The following METTL22 variants were observed in gnomAD, a reference collection of about 807,000 sequenced individuals.
The protein encoded by METTL22 is methyltransferase 22, Kin17 lysine.
A neutral mutation model predicts 48.4 loss-of-function variants in METTL22; 51 were observed. The observed-to-expected ratio is 1.05, with a 90% CI of 0.84 to 1.33. METTL22 has a LOEUF of 1.33. METTL22 is among the 40% of genes most tolerant of loss of function. The probability of loss-of-function intolerance (pLI) is 0.00; values close to 1 mark genes in which losing one functional copy is unlikely to be tolerated. For synonymous variants in METTL22, 255 were observed against 214.1 expected (o/e 1.19, Z -1.67); for missense variants, 678 against 526.9 (o/e 1.29, Z -2.81).
chr16:8,658,476 G>A, the METTL22 span, among the ~76,000 whole-genome samples: 4 of 152,312 alleles, frequency 2.6e-5, no homozygotes, highest in East Asian at 7.7e-4. Context: ...GAAGGAGACA[G>A]GGAATGGGGA....
At chr16:8,652,975 T>C (rs2056920569), downstream of METTL22, among the ~76,000 whole-genome samples, 1 of 152,186 alleles carries the variant, frequency 6.6e-6, no homozygotes, top group Non-Finnish European at 1.5e-5. Context: ...GCTAAGTAAA[T>C]GTGCTCTTAG....
rs573232371 is a variant in METTL22, at chr16:8,644,859, C to T, written c.1179+134C>T. Reference sequence around the variant, plus strand: ...TCCTGCAGGGGGTGAAGCCTGCGTGCCTGGCACCATCTGTAGTGGAACCTG... The same window carrying T: ...TCCTGCAGGGGGTGAAGCCTGCGTGTCTGGCACCATCTGTAGTGGAACCTG... On this transcript the variant is annotated intron_variant, in intron 10 of 10. Transcript: ENST00000381920. 1.6e-5 allele frequency: 15 copies of T among 928,964 alleles called. 1 individual carries two copies. The East Asian group carries it at 1.8e-4, about 11-fold the overall frequency. The allele number at this position is 928,964 out of a possible 1,614,324, so 57.5% of individuals were successfully genotyped here.
the METTL22 span, among the ~76,000 whole-genome samples, chr16:8,662,854 G>A: frequency 4.9e-5 from 7 of 144,280 alleles, 2 homozygotes; most frequent in Admixed American, 2.1e-4. Flanking sequence ...CTCAAAGTTG[G>A]ACTTGGTAAT....
At position 8,646,743 on chromosome 16, in the gene METTL22, G is replaced by A. The variant is rs540995930; in HGVS notation, c.*600G>A. On this transcript the variant is annotated 3_prime_UTR_variant, in exon 11 of 11. Coordinates refer to ENST00000381920, the MANE Select transcript of METTL22 (RefSeq NM_024109.4). ...TCAGGTACGTTTGGAATAAACCTAA[G>A]AGCCACTCTTTGGGGTCATGTGCAG... 9.2e-5 allele frequency: 41 copies of A among 447,694 alleles called. No individual in the cohort carries two copies. Among genetic ancestry groups the A allele is most frequent in the South Asian group, 6.4e-4 (41 of 64,258 alleles). The allele number at this position is 447,694 out of a possible 1,614,324, so 27.7% of individuals were successfully genotyped here. A position where few individuals can be genotyped will look rare whatever the true frequency, so the allele number is the denominator to read the frequency against.
chr16:8,628,088 C>T (rs1238304511), intron 2 of METTL22, among the ~76,000 whole-genome samples: 2 of 152,208 alleles, frequency 1.3e-5, no homozygotes, highest in Non-Finnish European at 2.9e-5. Context: ...TCACCCCTGC[C>T]TTATGTGGTT....
In METTL22 at chr16:8,646,874, C is replaced by T; in HGVS notation, c.*731C>T. 1 of 357,300 alleles carries T rather than the reference C, an allele frequency of 2.8e-6. No homozygotes were observed. Among genetic ancestry groups the T allele is most frequent in the Non-Finnish European group, 5.5e-6 (1 of 181,448 alleles). 22.1% of individuals were successfully genotyped at this position (357,300 alleles called of 1,614,324 possible). ...TCTGTCTTATCACGTGTGTACATGT[C>T]TGTCTGTCTGGTTTTTTATCTTCTC... On this transcript the variant is annotated 3_prime_UTR_variant, in exon 11 of 11. Transcript: ENST00000381920.
chr16:8,640,940 G>T, intron 6 of METTL22, among the ~76,000 whole-genome samples, 191 bp from the exon 7 acceptor site: 1 of 57,966 alleles, frequency 1.7e-5, no homozygotes, highest in Non-Finnish European at 3.6e-5. Context: ...ATGGATGGAT[G>T]GATGGGTGGG....
At chr16:8,641,575 C>T (rs1485347796) in intron 7 of METTL22, 1 of 473,696 alleles carries the variant, frequency 2.1e-6, no homozygotes, top group Non-Finnish European at 4.2e-6. Flanking sequence ...CCGGGTAGGA[C>T]AGTTTCCATA....
chr16:8,650,779 C>T (rs1308318894), downstream of METTL22, among the ~76,000 whole-genome samples: 1 of 152,208 alleles, frequency 6.6e-6, no homozygotes, highest in Non-Finnish European at 1.5e-5. Flanking sequence ...AATCCCGGCA[C>T]TTTGGGAGGC....
At chr16:8,637,539 G>T (rs1464206468) in intron 5 of METTL22, among the ~76,000 whole-genome samples, 3 of 152,254 alleles carry the variant, frequency 2.0e-5, no homozygotes, top group Non-Finnish European at 4.4e-5. Flanking sequence ...TCTGGGCAGA[G>T]CCCAGGGTTC....
At chr16:8,659,204 C>T in the METTL22 span, among the ~76,000 whole-genome samples, 6 of 151,944 alleles carry the variant, frequency 3.9e-5, no homozygotes, top group East Asian at 1.2e-3. Context: ...AGTGGTGTGC[C>T]CCTGTAGTCC....
intron 2 of METTL22, among the ~76,000 whole-genome samples, chr16:8,628,522 T>C (rs1323779362): frequency 6.6e-6 from 1 of 152,100 alleles, no homozygotes; most frequent in Non-Finnish European, 1.5e-5. Flanking sequence ...TCTCATGAAA[T>C]GGCGGCTGCT....
chr16:8,645,201 T>A (rs2056749362), intron 10 of METTL22, among the ~76,000 whole-genome samples: 1 of 152,206 alleles, frequency 6.6e-6, no homozygotes, highest in African/African-American at 2.4e-5. Context: ...ACTTCTTTTG[T>A]TCTGTTTGCC....
chr16:8,650,539 G>A (rs1384966093), downstream of METTL22, among the ~76,000 whole-genome samples: 2 of 152,194 alleles, frequency 1.3e-5, no homozygotes, highest in South Asian at 2.1e-4. Flanking sequence ...GCAGACTAGG[G>A]TGGCTACAGT....
intron 9 of METTL22, among the ~76,000 whole-genome samples, chr16:8,643,160 C>T (rs577670545): frequency 2.0e-5 from 3 of 152,330 alleles, no homozygotes; most frequent in South Asian, 4.1e-4. Context: ...AGCTGTAAAA[C>T]GAAACAGACT....
intron 5 of METTL22, among the ~76,000 whole-genome samples, chr16:8,636,404 G>A (rs546940784): frequency 3.9e-5 from 6 of 151,918 alleles, no homozygotes; most frequent in Admixed American, 2.0e-4. Context: ...ATGTGGTAGC[G>A]GCGGGCACCT....
intron 7 of METTL22, 65 bp downstream of exon 7, chr16:8,641,249 C>G: frequency 6.6e-7 from 1 of 1,523,946 alleles, no homozygotes; most frequent in Non-Finnish European, 9.1e-7. Context: ...CCTCAGTGCC[C>G]CTGGCTCTGT....
chr16:8,623,029 A>G (rs1221147528), intron 1 of METTL22, among the ~76,000 whole-genome samples: 2 of 152,186 alleles, frequency 1.3e-5, no homozygotes, highest in East Asian at 1.9e-4. Flanking sequence ...AAATTGCGCT[A>G]TAGGCCATGC....
At position 8,647,862 on chromosome 16, in the gene METTL22, A is replaced by G. The variant is rs2056831582; in HGVS notation, c.*1719A>G. The G allele has an allele frequency of 6.6e-6, 1 of 152,260 alleles. No individual in the cohort carries two copies. The highest frequency in any genetic ancestry group is 2.4e-5 in the African/African-American group (1 of 41,454). The allele number at this position is 152,260 out of a possible 1,614,324, so 9.4% of individuals were successfully genotyped here. A position where few individuals can be genotyped will look rare whatever the true frequency, so the allele number is the denominator to read the frequency against. On this transcript the variant is annotated 3_prime_UTR_variant, in exon 11 of 11. Transcript: ENST00000381920. ...CCTATTTTGCACATGAGAAATCCAA[A>G]ATTCAGAGAGGTTCAGCAACTTGCC...
Sources: allele counts gnomAD v4.1 joint callset (sites outside exome capture counted in the v4.1 genomes callset), GRCh38; gene constraint gnomAD v4.1.1; transcripts MANE v1.5; gene names NCBI Gene and HGNC (gene_info 2026-07-23, HGNC 2026-07-21).